Variants in TRIM45 observed in about 807,000 individuals in gnomAD.
The protein encoded by TRIM45 is tripartite motif containing 45, also known as E3 ubiquitin-protein ligase TRIM45.
Under a neutral mutation model 46.7 loss-of-function variants are expected in TRIM45, and 45 were observed. The observed-to-expected ratio is 0.96, with a 90% CI of 0.76 to 1.24. The LOEUF (loss-of-function observed/expected upper bound fraction) is 1.24, where lower values mean the gene tolerates loss of function less well. Among genes scored for constraint, TRIM45 ranks in the 50% most tolerant of loss-of-function variants. TRIM45 has a pLI of 0.00. For missense variants in TRIM45, 680 were observed against 728.4 expected (o/e 0.93, Z 0.77); for synonymous variants, 259 against 285.8 (o/e 0.91, Z 0.94).
chr1:117,114,296 C>G (rs1457333696), intron 4 of TRIM45, among the ~76,000 whole-genome samples: 1 of 152,170 alleles, frequency 6.6e-6, no homozygotes, highest in Admixed American at 6.5e-5. Context: ...TAATTTATAT[C>G]CCATGTTAAA....
upstream of TRIM45, among the ~76,000 whole-genome samples, chr1:117,122,748 A>G (rs531927142): frequency 6.6e-6 from 1 of 152,296 alleles, no homozygotes; most frequent in African/African-American, 2.4e-5. Context: ...CTTTAACTTT[A>G]TAATTACACG....
rs558692456 is a variant in TRIM45 at position 117,118,587 on chromosome 1, G to A, written c.669C>T (p.Pro223=). The A allele has an allele frequency of 3.7e-6, 6 of 1,614,048 alleles. No homozygotes were observed. The African/African-American group carries it at 6.7e-5, about 18-fold the overall frequency. Residue 223 remains proline (P), a synonymous_variant, in exon 2 of 6, where the codon CCC becomes CCT. Transcript: ENST00000256649. The surrounding 1 kb of genome is among the most constrained non-coding windows in gnomAD (Gnocchi z 5.7). ...DCVVGEHREH[P]CDFTSNVIHK... is the part of the protein sequence containing the mutation. ...GGATGACATTGCTGGTGAAGTCACA[G>A]GGGTGTTCCCGATGCTCCCCCACCA... is the stretch of plus-strand genomic sequence containing the variant.
Position 117,113,528 on chromosome 1 carries a change from T to C in TRIM45, c.1468-43A>G. On this transcript the variant is annotated intron_variant, in intron 4 of 5. Transcript: ENST00000256649. The surrounding 1 kb of genome is among the most constrained non-coding windows in gnomAD (Gnocchi z 4.0). ...AAAGCAATGAACAGCATCTTACGAG[T>C]TAACAGGATGTGCTGCGCATCACTA... The C allele has an allele frequency of 4.4e-6, 7 of 1,599,650 alleles. No individual in the cohort carries two copies. The highest frequency in any genetic ancestry group is 6.0e-6 in the Non-Finnish European group (7 of 1,171,488).
chr1:117,122,807 A>G (rs1019228699), upstream of TRIM45, among the ~76,000 whole-genome samples: 1 of 152,182 alleles, frequency 6.6e-6, no homozygotes, highest in Admixed American at 6.5e-5. Context: ...CCAAAATTCC[A>G]AAAATGGAAA....
At chr1:117,122,037 CCTCT>C (rs1390117363), upstream of TRIM45, 1 of 528,798 alleles carries the variant, frequency 1.9e-6, no homozygotes, top group Non-Finnish European at 3.4e-6. Flanking sequence ...AGGGACTGTC[CCTCT>C]CTCTGTGGTG....
chr1:117,112,336 G>C lies in TRIM45; in HGVS notation c.1712C>G (p.Pro571Arg), dbSNP rs145680896. 6.2e-7 allele frequency: 1 copy of C among 1,612,948 alleles called. No individual in the cohort carries two copies. Among genetic ancestry groups the C allele is most frequent in the African/African-American group, 1.3e-5 (1 of 74,858 alleles). The change falls in exon 6 of 6, where the codon CCG becomes CGG. Residue 571 changes from proline to arginine, a missense_variant. Coordinates refer to ENST00000256649, the MANE Select transcript of TRIM45 (RefSeq NM_025188.4). ...AGCCACAGTCCTAAGTAGACTCCTC[G>C]GTGCGCTCTGCCCACCTGTCCATGT... is the stretch of plus-strand genomic sequence containing the variant. ...ECTWTGGQSA[P>R]RSLLRTVAL
Position 117,112,423 on chromosome 1 carries a change from T to C in TRIM45, c.1625A>G (p.Lys542Arg). 1 of 1,613,766 alleles carries C rather than the reference T, an allele frequency of 6.2e-7. No individual in the cohort carries two copies. The highest frequency in any genetic ancestry group is 8.5e-7 in the Non-Finnish European group (1 of 1,179,830). ...CCAGTGGGGATGACCTGGGTGGCCT[T>C]TGTGTCCATGGCCACAGCCTAGGTA... Reference protein sequence around the residue: ...GGYLGCGHGHKGHPGHPHWSC... With the variant: ...GGYLGCGHGHRGHPGHPHWSC... Residue 542 changes from lysine to arginine, a missense_variant, in exon 6 of 6, where the codon AAA becomes AGA. By Grantham distance (26) the Lys-to-Arg change is conservative. This residue lies in a region of TRIM45 where 322 missense variants were observed against 359.3 expected (regional missense o/e 0.90). Coordinates refer to ENST00000256649, the MANE Select transcript of TRIM45 (RefSeq NM_025188.4).
chr1:117,118,248 G>A lies in TRIM45; in HGVS notation c.1008C>T (p.Thr336=). The part of the protein sequence containing the change: ...TGVEFTEHLL[T]SGSDLEILIT... ...TGAGGATCTCCAAGTCTGAGCCGCT[G>A]GTCAGCAAGTGCTCGGTGAACTCCA... is the stretch of plus-strand genomic sequence containing the variant. The change falls in exon 2 of 6, where the codon ACC becomes ACT. Residue 336 remains threonine, a synonymous_variant. Coordinates refer to ENST00000256649, the MANE Select transcript of TRIM45 (RefSeq NM_025188.4). The surrounding 1 kb of genome is among the most constrained non-coding windows in gnomAD (Gnocchi z 5.7). 2 of 1,614,164 alleles carry A rather than the reference G, an allele frequency of 1.2e-6. No individual in the cohort carries two copies. The highest frequency in any genetic ancestry group is 1.7e-6 in the Non-Finnish European group (2 of 1,180,024).
chr1:117,120,130 G>GT (rs1314234453), intron 1 of TRIM45, among the ~76,000 whole-genome samples: 1 of 152,144 alleles, frequency 6.6e-6, no homozygotes, highest in Non-Finnish European at 1.5e-5. Context: ...AAGCTCCAGA[G>GT]TAACTCTAAG....
chr1:117,121,809 C>A, upstream of TRIM45: 1 of 710,302 alleles, frequency 1.4e-6, no homozygotes, highest in Non-Finnish European at 2.6e-6. This position sits in a 1 kb window ranked among gnomAD's most constrained non-coding sequence, Gnocchi z 4.2. Context: ...CGTCCGAGAG[C>A]GGCGGCCCTC....
Position 117,121,008 on chromosome 1 carries a change from C to A in TRIM45, c.194G>T (p.Arg65Leu). 1 of 1,614,164 alleles carries A rather than the reference C, an allele frequency of 6.2e-7. No homozygotes were observed. The highest frequency in any genetic ancestry group is 8.5e-7 in the Non-Finnish European group (1 of 1,180,032). ...AGAGCTTGTGTCAGAGTCTCCCCCT[C>A]GGATGTCCACTACTGAGAAGGGCTC... ...QLEPFSVVDI[R>L]GGDSDTSSEG... Residue 65 changes from arginine (R) to leucine (L), a missense_variant, in exon 1 of 6, where the codon CGA becomes CTA. By Grantham distance (102) the Arg-to-Leu change is moderately radical (BLOSUM62 -2). Around this residue, in one of 3 missense-constraint regions of TRIM45, gnomAD observed 349 missense variants for 343.6 expected, o/e 1.02. Transcript: ENST00000256649. The surrounding 1 kb of genome is among the most constrained non-coding windows in gnomAD (Gnocchi z 4.2).
In TRIM45 at chr1:117,113,821, T is replaced by C. The variant is rs1480799602; in HGVS notation, c.1468-336A>G. Among the ~76,000 whole-genome samples, 2 of 152,208 alleles carry C rather than the reference T, an allele frequency of 1.3e-5. No homozygotes were observed. Among genetic ancestry groups the C allele is most frequent in the Non-Finnish European group, 2.9e-5 (2 of 68,036 alleles). On this transcript the variant is annotated intron_variant, in intron 4 of 5. Coordinates refer to ENST00000256649, the MANE Select transcript of TRIM45 (RefSeq NM_025188.4). This position sits in a 1 kb window ranked among gnomAD's most constrained non-coding sequence, Gnocchi z 4.0. ...AGTCAGCTCCATTTTCAGTGACATC[T>C]GTATTAGCTGGGAATAATTGTTCTG...
At position 117,118,555 on chromosome 1, in the gene TRIM45, T is replaced by A. The variant is rs1289919717; in HGVS notation, c.701A>T (p.His234Leu). The A allele has an allele frequency of 6.2e-7, 1 of 1,614,206 alleles. No individual in the cohort carries two copies. Among genetic ancestry groups the A allele is most frequent in the South Asian group, 1.1e-5 (1 of 91,074 alleles). ...CDFTSNVIHK[H>L]GDSVWELLKG... ...GAGGAGCTCCCACACAGAGTCCCCA[T>A]GCTTGTGGATGACATTGCTGGTGAA... Residue 234 changes from histidine to leucine, a missense_variant, in exon 2 of 6, where the codon CAT becomes CTT. Transcript: ENST00000256649. This position sits in a 1 kb window ranked among gnomAD's most constrained non-coding sequence, Gnocchi z 5.7.
Position 117,115,164 on chromosome 1 carries a change from G to C in TRIM45, c.1467+411C>G, listed in dbSNP as rs1650351018. Among the ~76,000 whole-genome samples the C allele has an allele frequency of 6.6e-6, 1 of 152,196 alleles. No homozygotes were observed. The highest frequency in any genetic ancestry group is 1.5e-5 in the Non-Finnish European group (1 of 68,020). ...GGCAGATAGATGACTAGTCAATTGTGAGGAGGGGGCATAACCCTCTCAACT... is the reference window on the plus strand; with the variant it reads ...GGCAGATAGATGACTAGTCAATTGTCAGGAGGGGGCATAACCCTCTCAACT... On this transcript the variant is annotated intron_variant, in intron 4 of 5. Transcript: ENST00000256649. This position sits in a 1 kb window ranked among gnomAD's most constrained non-coding sequence, Gnocchi z 4.2.
upstream of TRIM45, among the ~76,000 whole-genome samples, chr1:117,122,802 A>C (rs1217188046): frequency 6.6e-6 from 1 of 152,174 alleles, no homozygotes; most frequent in Non-Finnish European, 1.5e-5. Context: ...ATTCTCCAAA[A>C]TTCCAAAAAT....
chr1:117,115,028 A>G lies in TRIM45; in HGVS notation c.1467+547T>C, dbSNP rs1650346769. Among the ~76,000 whole-genome samples, 1 of 152,238 alleles carries G rather than the reference A, an allele frequency of 6.6e-6. No homozygotes were observed. Among genetic ancestry groups the G allele is most frequent in the African/African-American group, 2.4e-5 (1 of 41,458 alleles). On this transcript the variant is annotated intron_variant, in intron 4 of 5. Transcript: ENST00000256649. This position sits in a 1 kb window ranked among gnomAD's most constrained non-coding sequence, Gnocchi z 4.2. The stretch of plus-strand genomic sequence containing the variant: ...CTCTACTTGTGTTATACTTGTTTGT[A>G]GAAACCATGGTAACGTAACTTGTTT...
intron 4 of TRIM45, among the ~76,000 whole-genome samples, chr1:117,114,401 C>G (rs185931884): frequency 1.1e-4 from 16 of 152,352 alleles, no homozygotes; most frequent in Non-Finnish European, 1.8e-4. Flanking sequence ...CAGCCTTGAG[C>G]TCCTGGGCTC....
At chr1:117,123,662 T>C (rs1474177772), upstream of TRIM45, among the ~76,000 whole-genome samples, 1 of 151,180 alleles carries the variant, frequency 6.6e-6, no homozygotes, top group Admixed American at 6.6e-5. Context: ...TGAGTTTTGC[T>C]CTTGTTGCCT....
In TRIM45 at chr1:117,115,626, C is replaced by T; in HGVS notation, c.1416G>A (p.Lys472=). 1 of 1,614,148 alleles carries T rather than the reference C, an allele frequency of 6.2e-7. No homozygotes were observed. Among genetic ancestry groups the T allele is most frequent in the South Asian group, 1.1e-5 (1 of 91,082 alleles). ...CCCACACAGTATAGACGCCAGGTTC[C>T]TTGGGGGTGTAGGAAATGTAGTATG... The part of the protein sequence containing the change: ...DGTYYISYTP[K]EPGVYTVWVC... The change falls in exon 4 of 6, where the codon AAG becomes AAA. Residue 472 remains lysine (K), a synonymous_variant. Coordinates refer to ENST00000256649, the MANE Select transcript of TRIM45 (RefSeq NM_025188.4). This position sits in a 1 kb window ranked among gnomAD's most constrained non-coding sequence, Gnocchi z 4.2.
Sources: gnomAD v4.1 joint callset for allele counts (sites outside exome capture counted in the v4.1 genomes callset) on GRCh38, gnomAD v4.1.1 for gene constraint, gnomAD v4.1.1 regional missense constraint, Gnocchi (gnomAD v3.1) non-coding constraint, MANE v1.5 for transcripts, NCBI Gene and HGNC (gene_info 2026-07-23, HGNC 2026-07-21) for gene names.